The following CCDC150 variants were observed in gnomAD, a reference collection of about 807,000 sequenced individuals.
CCDC150 encodes coiled-coil domain-containing protein 150.
CCDC150 carries 151 observed loss-of-function variants against 156.5 expected under a neutral mutation model. The ratio of observed to expected loss-of-function variants is 0.97; its 90% CI spans 0.85 to 1.10. The LOEUF is 1.10. CCDC150 is among the 50% of genes least tolerant of loss of function. The probability of loss-of-function intolerance (pLI) is 0.00; values close to 1 mark genes in which losing one functional copy is unlikely to be tolerated. For synonymous variants in CCDC150, 452 were observed against 429.4 expected (o/e 1.05, Z -0.65); for missense variants, 1,312 against 1,268.1 (o/e 1.03, Z -0.53).
intron 2 of CCDC150, 52 bp from the exon 3 acceptor site, chr2:196,656,581 C>A: frequency 7.9e-7 from 1 of 1,270,630 alleles, no homozygotes; most frequent in Admixed American, 2.1e-5. Context: ...TTTGGGATTA[C>A]CATAGTAGAA....
intron 13 of CCDC150, among the ~76,000 whole-genome samples, chr2:196,678,389 C>T (rs1336350482): frequency 6.6e-6 from 1 of 152,090 alleles, no homozygotes; most frequent in African/African-American, 2.4e-5. Context: ...AGGAGAAATG[C>T]TAGAGTTTGA....
At chr2:196,719,451 A>G (rs1266531488) in intron 18 of CCDC150, 46 bp from the exon 19 acceptor site, 1 of 1,523,366 alleles carries the variant, frequency 6.6e-7, no homozygotes, top group Admixed American at 2.0e-5. Context: ...GCAGAAGAGT[A>G]ACCAGAAAGG....
In CCDC150 at chr2:196,646,379, T is replaced by C; in HGVS notation, c.51T>C (p.Ser17=). Residue 17 remains serine (S), a synonymous_variant, in exon 2 of 28, where the codon TCT becomes TCC. Coordinates refer to ENST00000389175, the MANE Select transcript of CCDC150 (RefSeq NM_001080539.2). The part of the protein sequence containing the change: ...METTVSRPVL[S]PTHINATASE... Reference sequence around the variant, plus strand: ...CTACAGTGTCCAGACCGGTCCTTTCTCCAACCCACATCAACGCTACAGCTT... The same window carrying C: ...CTACAGTGTCCAGACCGGTCCTTTCCCCAACCCACATCAACGCTACAGCTT... 1 of 1,613,880 alleles carries C rather than the reference T, an allele frequency of 6.2e-7. No homozygotes were observed. Among genetic ancestry groups the C allele is most frequent in the South Asian group, 1.1e-5 (1 of 91,068 alleles).
In CCDC150 at chr2:196,715,416, G is replaced by A. The variant is rs181967766; in HGVS notation, c.1866+2677G>A. On this transcript the variant is annotated intron_variant, in intron 17 of 27. Transcript: ENST00000389175. ...GGGTGGGGAGATAAAGAATATATACGTATGTATTCACTTGTATAAGCATAG... is the reference window on the plus strand; with the variant it reads ...GGGTGGGGAGATAAAGAATATATACATATGTATTCACTTGTATAAGCATAG... 4.6e-5 allele frequency among the ~76,000 whole-genome samples: 7 copies of A among 152,118 alleles called. No homozygotes were observed. In the East Asian group the frequency reaches 5.8e-4, roughly 13 times the overall value.
In CCDC150 at chr2:196,667,640, T is replaced by A. The variant is rs528757931; in HGVS notation, c.892+792T>A. ...GTTACAAAAGGAAAAAATGGCAAAG[T>A]AAGACCTAGACCTGGATCTTCTAAC... On this transcript the variant is annotated intron_variant, in intron 7 of 27. Transcript: ENST00000389175. 5.9e-5 allele frequency: 9 copies of A among 152,386 alleles called. No homozygotes were observed. In the East Asian group the frequency reaches 1.2e-3, roughly 20 times the overall value. 9.4% of individuals were successfully genotyped at this position (152,386 alleles called of 1,614,324 possible).
chr2:196,679,894 T>G (rs1239821047), intron 13 of CCDC150, among the ~76,000 whole-genome samples: 1 of 152,222 alleles, frequency 6.6e-6, no homozygotes, highest in Admixed American at 6.5e-5. Flanking sequence ...TGCACTTATT[T>G]GCCATTACAA....
intron 17 of CCDC150, among the ~76,000 whole-genome samples, chr2:196,715,137 A>G (rs1176143927): frequency 1.3e-5 from 2 of 152,112 alleles, no homozygotes; most frequent in Non-Finnish European, 2.9e-5. Context: ...TGACCCTACA[A>G]TTGTCCTTCT....
intron 9 of CCDC150, 48 bp from the exon 10 acceptor site, chr2:196,674,193 T>C: frequency 4.5e-6 from 5 of 1,121,782 alleles, no homozygotes; most frequent in Non-Finnish European, 5.2e-6. Flanking sequence ...TAAGTAAAAA[T>C]AATTCTTTAT....
At chr2:196,676,861 A>C in intron 12 of CCDC150, 130 bp downstream of exon 12, 1 of 786,306 alleles carries the variant, frequency 1.3e-6, no homozygotes, top group Non-Finnish European at 2.1e-6. Flanking sequence ...CCAGTAAAGA[A>C]TCTTTAGGTG....
At chr2:196,700,338 A>G (rs916963844) in intron 14 of CCDC150, among the ~76,000 whole-genome samples, 28 of 152,220 alleles carry the variant, frequency 1.8e-4, no homozygotes, top group Non-Finnish European at 5.9e-5. Context: ...ATTTTGACAT[A>G]TGGCAATATT....
chr2:196,673,401 TC>T (rs1314736308), intron 9 of CCDC150, among the ~76,000 whole-genome samples: 1 of 152,208 alleles, frequency 6.6e-6, no homozygotes, highest in African/African-American at 2.4e-5. Flanking sequence ...CTCTGTTTCG[TC>T]CCCAGGTATT....
intron 2 of CCDC150, among the ~76,000 whole-genome samples, chr2:196,647,263 A>G (rs1053081091): frequency 4.6e-5 from 7 of 152,106 alleles, no homozygotes; most frequent in Admixed American, 2.6e-4. Flanking sequence ...AAAAACATGA[A>G]TATATTGCCT....
Position 196,730,250 on chromosome 2 carries a change from A to C in CCDC150, c.2982+132A>C, listed in dbSNP as rs1698452022. On this transcript the variant is annotated intron_variant, in intron 25 of 27. Coordinates refer to ENST00000389175, the MANE Select transcript of CCDC150 (RefSeq NM_001080539.2). ...CATTTACAAATTGTTTATCTTAGCTAAGTCCTTAGAATAATAGTATCTAGG... is the reference window on the plus strand; with the variant it reads ...CATTTACAAATTGTTTATCTTAGCTCAGTCCTTAGAATAATAGTATCTAGG... 1.6e-5 allele frequency: 11 copies of C among 698,732 alleles called. No individual in the cohort carries two copies. In the South Asian group the frequency reaches 2.7e-4, roughly 17 times the overall value. The allele number at this position is 698,732 out of a possible 1,614,324, so 43.3% of individuals were successfully genotyped here. A position where few individuals can be genotyped will look rare whatever the true frequency, so the allele number is the denominator to read the frequency against.
chr2:196,680,120 A>C (rs1694733690), intron 13 of CCDC150, among the ~76,000 whole-genome samples: 1 of 152,126 alleles, frequency 6.6e-6, no homozygotes, highest in Admixed American at 6.5e-5. Flanking sequence ...AATTTTAATG[A>C]AGACTAATGA....
rs771044851 is a variant in CCDC150, at chr2:196,676,532, T to C, written c.1263-22T>C. The C allele has an allele frequency of 4.8e-5, 75 of 1,574,064 alleles. 1 individual carries two copies. Among genetic ancestry groups the C allele is most frequent in the Non-Finnish European group, 5.5e-5 (64 of 1,158,794 alleles). On this transcript the variant is annotated intron_variant, in intron 11 of 27. Transcript: ENST00000389175. ...TTAGAACTCTAATTTAGCTTTCATA[T>C]GTTCTTGATCTCTTCCTGCAGGGAT...
intron 5 of CCDC150, among the ~76,000 whole-genome samples, chr2:196,662,783 A>G (rs1693630050): frequency 6.6e-6 from 1 of 151,870 alleles, no homozygotes; most frequent in Non-Finnish European, 1.5e-5. Context: ...AAGAAAAAAG[A>G]AAAAAAGCCA....
chr2:196,706,678 A>G (rs1696667352), intron 15 of CCDC150, among the ~76,000 whole-genome samples: 1 of 152,282 alleles, frequency 6.6e-6, no homozygotes, highest in South Asian at 2.1e-4. Flanking sequence ...TTATTTTGAG[A>G]CAATGTTCCA....
chr2:196,732,580 C>T lies in CCDC150; in HGVS notation c.*18C>T, dbSNP rs748757753. The T allele has an allele frequency of 1.3e-6, 2 of 1,506,254 alleles. No homozygotes were observed. The highest frequency in any genetic ancestry group is 2.2e-5 in the South Asian group (2 of 88,912). The allele number at this position is 1,506,254 out of a possible 1,614,324, so 93.3% of individuals were successfully genotyped here. ...GGAAGTGATGTCCTTGACAAGGGAGCTTCTTTATGTGTAGCTACACTCCAT... is the reference window on the plus strand; with the variant it reads ...GGAAGTGATGTCCTTGACAAGGGAGTTTCTTTATGTGTAGCTACACTCCAT... On this transcript the variant is annotated 3_prime_UTR_variant, in exon 28 of 28. Transcript: ENST00000389175.
intron 14 of CCDC150, among the ~76,000 whole-genome samples, chr2:196,699,120 TATC>T (rs1348809560): frequency 8.5e-5 from 13 of 152,222 alleles, no homozygotes; most frequent in African/African-American, 3.1e-4. Flanking sequence ...ATAATATATT[TATC>T]ATCATGAGTT....
Sources: gnomAD v4.1 joint callset for allele counts (sites outside exome capture counted in the v4.1 genomes callset) on GRCh38, gnomAD v4.1.1 for gene constraint, MANE v1.5 for transcripts, NCBI Gene and HGNC (gene_info 2026-07-23, HGNC 2026-07-21) for gene names.